Variants in ZNRD2 observed in about 807,000 individuals in gnomAD.
The protein encoded by ZNRD2 is protein ZNRD2.
Under a neutral mutation model 22.0 loss-of-function variants are expected in ZNRD2, and 16 were observed. The observed-to-expected ratio is 0.73, with a 90% CI of 0.49 to 1.11. The LOEUF is 1.11. Ranked by LOEUF, ZNRD2 falls within the 50% of genes least tolerant of loss-of-function variation. The probability of loss-of-function intolerance (pLI) is 0.00; values close to 1 mark genes in which losing one functional copy is unlikely to be tolerated. For missense variants in ZNRD2, 269 were observed against 258.9 expected (o/e 1.04, Z -0.27); for synonymous variants, 105 against 109.8 (o/e 0.96, Z 0.27).
Position 65,570,915 on chromosome 11 carries a change from A to G in ZNRD2, c.201A>G (p.Lys67=). ...GTILLQDKQR[K]IYCVACQELD... is the part of the protein sequence containing the mutation. ...TCCTCCTCCAAGACAAACAGCGGAAAATCTACTGCGTGGCTTGTCAGGAAC... is the reference window on the plus strand; with the variant it reads ...TCCTCCTCCAAGACAAACAGCGGAAGATCTACTGCGTGGCTTGTCAGGAAC... The change falls in exon 3 of 4, where the codon AAA becomes AAG. Residue 67 remains lysine, a synonymous_variant. Coordinates refer to ENST00000309328, the MANE Select transcript of ZNRD2 (RefSeq NM_006396.3). 6.2e-7 allele frequency: 1 copy of G among 1,614,172 alleles called. No individual in the cohort carries two copies. Among genetic ancestry groups the G allele is most frequent in the Non-Finnish European group, 8.5e-7 (1 of 1,180,022 alleles).
chr11:65,571,549 C>T lies in ZNRD2; in HGVS notation c.415C>T (p.Pro139Ser), dbSNP rs1301080306. 3 of 1,614,034 alleles carry T rather than the reference C, an allele frequency of 1.9e-6. No individual in the cohort carries two copies. The highest frequency in any genetic ancestry group is 1.1e-5 in the South Asian group (1 of 91,090). ...AAGLKAAQGPPAPAVPPNTDV... is the reference protein window; with the variant it reads ...AAGLKAAQGPSAPAVPPNTDV... Reference sequence around the variant, plus strand: ...AGGACTCAAGGCAGCCCAGGGGCCACCTGCTCCTGCTGTGCCTCCAAATAC... The same window carrying T: ...AGGACTCAAGGCAGCCCAGGGGCCATCTGCTCCTGCTGTGCCTCCAAATAC... The change falls in exon 4 of 4, where the codon CCT (proline) becomes TCT (serine). Residue 139 changes from proline (P) to serine (S), a missense_variant. By Grantham distance (74) the Pro-to-Ser change is moderately conservative. Coordinates refer to ENST00000309328, the MANE Select transcript of ZNRD2 (RefSeq NM_006396.3).
In ZNRD2 at chr11:65,570,967, C is replaced by T. The variant is rs759893986; in HGVS notation, c.253C>T (p.Pro85Ser). 5 of 1,613,732 alleles carry T rather than the reference C, an allele frequency of 3.1e-6. No individual in the cohort carries two copies. The highest frequency in any genetic ancestry group is 4.2e-6 in the Non-Finnish European group (5 of 1,179,848). Reference sequence around the variant, plus strand: ...CGACTCAGACGTGGATAAAGATAATCCCGGTAAGAGTAAAAAATAATCCGG... The same window carrying T: ...CGACTCAGACGTGGATAAAGATAATTCCGGTAAGAGTAAAAAATAATCCGG... ...ELDSDVDKDNPALNAQAALSQ... is the reference protein window; with the variant it reads ...ELDSDVDKDNSALNAQAALSQ... Residue 85 changes from proline (P) to serine (S), a missense_variant, in exon 3 of 4, where the codon CCC becomes TCC. Pro to Ser is a moderately conservative substitution (Grantham distance 74). Coordinates refer to ENST00000309328, the MANE Select transcript of ZNRD2 (RefSeq NM_006396.3).
rs1565111133 is a variant in ZNRD2 at position 65,571,541 on chromosome 11, A to G, written c.407A>G (p.Gln136Arg). ...GCTGCAGCAGGACTCAAGGCAGCCC[A>G]GGGGCCACCTGCTCCTGCTGTGCCT... ...EGAAAGLKAA[Q>R]GPPAPAVPPN... is the part of the protein sequence containing the mutation. Residue 136 changes from glutamine to arginine, a missense_variant, in exon 4 of 4, where the codon CAG becomes CGG. By Grantham distance (43) the Gln-to-Arg change is conservative. Transcript: ENST00000309328. 2 of 1,613,986 alleles carry G rather than the reference A, an allele frequency of 1.2e-6. No individual in the cohort carries two copies. Among genetic ancestry groups the G allele is most frequent in the Non-Finnish European group, 8.5e-7 (1 of 1,180,012 alleles).
Position 65,570,485 on chromosome 11 carries a change from C to T in ZNRD2, c.-7C>T. The T allele has an allele frequency of 6.2e-7, 1 of 1,613,556 alleles. No individual in the cohort carries two copies. The stretch of plus-strand genomic sequence containing the variant: ...CTTCCTGTGAGCCCGGCGGTGACAA[C>T]GGCAACATGGCCCTGAACGGAGCTG... On this transcript the variant is annotated 5_prime_UTR_variant, in exon 1 of 4. It adds an upstream start codon to the 5' untranslated region. Coordinates refer to ENST00000309328, the MANE Select transcript of ZNRD2 (RefSeq NM_006396.3).
rs1396970765 is a variant in ZNRD2 at position 65,571,420 on chromosome 11, G to A, written c.286G>A (p.Ala96Thr). 1.1e-5 allele frequency: 17 copies of A among 1,607,538 alleles called. No individual in the cohort carries two copies. The highest frequency in any genetic ancestry group is 2.7e-5 in the African/African-American group (2 of 74,896). Residue 96 changes from alanine (A) to threonine (T), a missense_variant, in exon 4 of 4, where the codon GCT (alanine) becomes ACT (threonine). Physicochemically the swap from Ala to Thr is moderately conservative, Grantham distance 58. Coordinates refer to ENST00000309328, the MANE Select transcript of ZNRD2 (RefSeq NM_006396.3). The part of the protein sequence containing the change: ...ALNAQAALSQ[A>T]REHQLASASE... ...GAATGCCCAGGCTGCCCTCTCCCAA[G>A]CTCGGGAGCACCAGCTGGCCTCAGC... is the stretch of plus-strand genomic sequence containing the variant.
chr11:65,570,532 G>C, intron 1 of ZNRD2, 22 bp downstream of exon 1: 2 of 1,613,936 alleles, frequency 1.2e-6, no homozygotes, highest in Middle Eastern at 1.7e-4. Flanking sequence ...GGCGGCAGGG[G>C]TTTGTGGCTG....
At chr11:65,571,098 G>A (rs1487365963) in intron 3 of ZNRD2, 128 bp downstream of exon 3, 4 of 929,946 alleles carry the variant, frequency 4.3e-6, no homozygotes, top group African/African-American at 1.7e-5. Flanking sequence ...TGGGGTAGAA[G>A]TAAAATTATT....
Position 65,570,741 on chromosome 11 carries a change from T to G in ZNRD2, c.157T>G (p.Cys53Gly). Residue 53 changes from cysteine to glycine, a missense_variant, in exon 2 of 4, where the codon TGT becomes GGT. By Grantham distance (159) the Cys-to-Gly change is radical (BLOSUM62 -3). Transcript: ENST00000309328. ...LRGYRMLGET[C>G]ADCGTILLQD... ...CGGTTACCGCATGCTGGGCGAGACG[T>G]GTGCGGACTGCGGGGTGAGGCGAGA... is the stretch of plus-strand genomic sequence containing the variant. The G allele has an allele frequency of 6.2e-7, 1 of 1,613,730 alleles. No homozygotes were observed. Among genetic ancestry groups the G allele is most frequent in the African/African-American group, 1.3e-5 (1 of 75,022 alleles).
Position 65,571,437 on chromosome 11 carries a change from G to A in ZNRD2, c.303G>A (p.Leu101=). ...AALSQAREHQ[L]ASASELPLGS... is the part of the protein sequence containing the mutation. The stretch of plus-strand genomic sequence containing the variant: ...TCTCCCAAGCTCGGGAGCACCAGCT[G>A]GCCTCAGCCTCAGAGCTCCCCCTGG... Residue 101 remains leucine, a synonymous_variant, in exon 4 of 4, where the codon CTG becomes CTA. Transcript: ENST00000309328. 1.9e-6 allele frequency: 3 copies of A among 1,611,488 alleles called. No individual in the cohort carries two copies. Among genetic ancestry groups the A allele is most frequent in the Non-Finnish European group, 1.7e-6 (2 of 1,178,380 alleles).
chr11:65,571,047 C>G, intron 3 of ZNRD2, 77 bp downstream of exon 3: 2 of 1,374,176 alleles, frequency 1.5e-6, no homozygotes, highest in Non-Finnish European at 2.0e-6. Context: ...GATAGAGGCC[C>G]GAGAACAGTA....
In ZNRD2 at chr11:65,570,481, A is replaced by T; in HGVS notation, c.-11A>T. 4 of 1,613,508 alleles carry T rather than the reference A, an allele frequency of 2.5e-6. No homozygotes were observed. The highest frequency in any genetic ancestry group is 3.4e-6 in the Non-Finnish European group (4 of 1,179,958). ...GTCACTTCCTGTGAGCCCGGCGGTG[A>T]CAACGGCAACATGGCCCTGAACGGA... is the stretch of plus-strand genomic sequence containing the variant. On this transcript the variant is annotated 5_prime_UTR_variant, in exon 1 of 4. Transcript: ENST00000309328.
In ZNRD2 at chr11:65,571,679, GC is replaced by G. The variant is rs749129431; in HGVS notation, c.547del (p.Ile184SerfsTer21). 156 of 1,613,778 alleles carry G rather than the reference GC, an allele frequency of 9.7e-5. No homozygotes were observed. The highest frequency in any genetic ancestry group is 1.2e-4 in the Non-Finnish European group (146 of 1,179,968). On this transcript the variant is annotated frameshift_variant, in exon 4 of 4. Coordinates refer to ENST00000309328, the MANE Select transcript of ZNRD2 (RefSeq NM_006396.3). LOFTEE classifies it high-confidence loss of function. ...CTGGAGACTAGCATCCAGCTGTGTG[GC>G]CTTATCCGCGCATGTGCGGAGGCCC... The part of the protein sequence containing the change: ...TSLETSIQLC[G>X]LIRACAEALR...
At position 65,570,646 on chromosome 11, in the gene ZNRD2, C is replaced by T. The variant is rs35971725; in HGVS notation, c.62C>T (p.Thr21Met). The T allele has an allele frequency of 2.2e-3, 3,514 of 1,613,930 alleles. 57 individuals carry two copies. The African/African-American group carries it at 0.04, about 18-fold the overall frequency. Residue 21 changes from threonine (T) to methionine (M), a missense_variant, in exon 2 of 4, where the codon ACG becomes ATG. Transcript: ENST00000309328. Reference sequence around the variant, plus strand: ...TGGGAGCCCCCGACTGAGGCGGAGACGAAGGTGCTGCAGGCGCGACGGGAG... The same window carrying T: ...TGGGAGCCCCCGACTGAGGCGGAGATGAAGGTGCTGCAGGCGCGACGGGAG... ...FSWEPPTEAE[T>M]KVLQARRERQ...
chr11:65,571,062 T>C, intron 3 of ZNRD2, 92 bp downstream of exon 3: 1 of 1,233,032 alleles, frequency 8.1e-7, no homozygotes, highest in Non-Finnish European at 1.2e-6. Flanking sequence ...ACAGTAGGGC[T>C]GAGAGGTGAC....
rs1363288706 is a variant in ZNRD2, at chr11:65,570,701, C to A, written c.117C>A (p.Gly39=). 1 of 1,613,712 alleles carries A rather than the reference C, an allele frequency of 6.2e-7. No individual in the cohort carries two copies. The highest frequency in any genetic ancestry group is 8.5e-7 in the Non-Finnish European group (1 of 1,179,970). Residue 39 remains glycine (G), a synonymous_variant, in exon 2 of 4, where the codon GGC becomes GGA. Transcript: ENST00000309328. The part of the protein sequence containing the change: ...ERQDRISRLM[G]DYLLRGYRML... ...AAGATCGCATCTCCCGGCTCATGGG[C>A]GACTATCTGCTGCGCGGTTACCGCA...
Position 65,571,816 on chromosome 11 carries a change from G to A in ZNRD2, c.*82G>A. ...TTTTTTCCTGGTTCCAAGTGTGCAT[G>A]CCAGCCCCAGCTCCACTCACCTTTT... On this transcript the variant is annotated 3_prime_UTR_variant, in exon 4 of 4. Transcript: ENST00000309328. The A allele has an allele frequency of 6.9e-7, 1 of 1,456,946 alleles. No individual in the cohort carries two copies. Among genetic ancestry groups the A allele is most frequent in the Non-Finnish European group, 9.0e-7 (1 of 1,105,914 alleles). 90.3% of individuals were successfully genotyped at this position (1,456,946 alleles called of 1,614,324 possible). A position where few individuals can be genotyped will look rare whatever the true frequency, so the allele number is the denominator to read the frequency against.
rs961571891 is a variant in ZNRD2, at chr11:65,570,706, A to G, written c.122A>G (p.Tyr41Cys). ...QDRISRLMGDYLLRGYRMLGE... is the reference protein window; with the variant it reads ...QDRISRLMGDCLLRGYRMLGE... ...CGCATCTCCCGGCTCATGGGCGACT[A>G]TCTGCTGCGCGGTTACCGCATGCTG... The change falls in exon 2 of 4, where the codon TAT (tyrosine) becomes TGT (cysteine). Residue 41 changes from tyrosine to cysteine, a missense_variant. By Grantham distance (194) the Tyr-to-Cys change is radical. Transcript: ENST00000309328. 2.5e-6 allele frequency: 4 copies of G among 1,613,872 alleles called. No individual in the cohort carries two copies. Among genetic ancestry groups the G allele is most frequent in the South Asian group, 1.1e-5 (1 of 91,080 alleles).
In ZNRD2 at chr11:65,570,760, G is replaced by A; in HGVS notation, c.171+5G>A. On this transcript the variant is annotated splice_donor_5th_base_variant and intron_variant, in intron 2 of 3. Coordinates refer to ENST00000309328, the MANE Select transcript of ZNRD2 (RefSeq NM_006396.3). ...GAGACGTGTGCGGACTGCGGGGTGA[G>A]GCGAGACTCGGGCGAGTGACCGGGG... The A allele has an allele frequency of 6.2e-7, 1 of 1,613,438 alleles. No homozygotes were observed. The highest frequency in any genetic ancestry group is 8.5e-7 in the Non-Finnish European group (1 of 1,179,646).
chr11:65,571,569 A>G lies in ZNRD2; in HGVS notation c.435A>G (p.Pro145=). 1 of 1,614,116 alleles carries G rather than the reference A, an allele frequency of 6.2e-7. No individual in the cohort carries two copies. The highest frequency in any genetic ancestry group is 2.2e-5 in the East Asian group (1 of 44,888). ...AQGPPAPAVP[P]NTDVMACTQT... ...GGCCACCTGCTCCTGCTGTGCCTCC[A>G]AATACAGATGTCATGGCCTGCACAC... The change falls in exon 4 of 4, where the codon CCA becomes CCG. Residue 145 remains proline, a synonymous_variant. Coordinates refer to ENST00000309328, the MANE Select transcript of ZNRD2 (RefSeq NM_006396.3).
Sources: gnomAD v4.1 joint callset for allele counts on GRCh38, gnomAD v4.1.1 for gene constraint, MANE v1.5 for transcripts, NCBI Gene and HGNC (gene_info 2026-07-23, HGNC 2026-07-21) for gene names.